The following SH3GL3 variants were observed in gnomAD, a reference collection of about 807,000 sequenced individuals.
SH3GL3 encodes the protein endophilin-A3.
SH3GL3 carries 33 observed loss-of-function variants against 47.7 expected under a neutral mutation model. That is an observed-to-expected ratio of 0.69 (90% CI 0.52 to 0.92). SH3GL3 has a LOEUF of 0.92. Among genes scored for constraint, SH3GL3 ranks in the 40% least tolerant of loss-of-function variants. The pLI is 0.00. For synonymous variants in SH3GL3, 155 were observed against 148.8 expected (o/e 1.04, Z -0.30); for missense variants, 363 against 417.8 (o/e 0.87, Z 1.14).
At chr15:83,481,046 C>A (rs896793961) in intron 1 of SH3GL3, among the ~76,000 whole-genome samples, 1 of 152,024 alleles carries the variant, frequency 6.6e-6, no homozygotes, top group Non-Finnish European at 1.5e-5. Flanking sequence ...GAGGCCGAGG[C>A]GGGCGGATCA....
intron 1 of SH3GL3, among the ~76,000 whole-genome samples, chr15:83,480,912 G>T (rs1164343220): frequency 6.6e-6 from 1 of 152,108 alleles, no homozygotes; most frequent in Non-Finnish European, 1.5e-5. Flanking sequence ...CATGGATACC[G>T]AGGGGTAGCT....
At chr15:83,517,916 A>C (rs896962768) in intron 1 of SH3GL3, among the ~76,000 whole-genome samples, 1 of 152,014 alleles carries the variant, frequency 6.6e-6, no homozygotes, top group Non-Finnish European at 1.5e-5. Context: ...TCCCCCTTCT[A>C]GTAGTCCCCA....
intron 1 of SH3GL3, among the ~76,000 whole-genome samples, chr15:83,511,450 G>A (rs529686378): frequency 3.3e-5 from 5 of 152,238 alleles, no homozygotes; most frequent in South Asian, 4.1e-4. Flanking sequence ...CTGAATTTAC[G>A]TGACGTCAGA....
At chr15:83,487,506 TC>T (rs1439322295) in intron 1 of SH3GL3, among the ~76,000 whole-genome samples, 1 of 152,206 alleles carries the variant, frequency 6.6e-6, no homozygotes, top group Non-Finnish European at 1.5e-5. Flanking sequence ...CAAAGAAGTT[TC>T]TATACTTTCC....
intron 1 of SH3GL3, among the ~76,000 whole-genome samples, chr15:83,501,073 T>C (rs907062588): frequency 1.3e-5 from 2 of 152,200 alleles, no homozygotes; most frequent in Non-Finnish European, 2.9e-5. Flanking sequence ...CCAGAAAATA[T>C]TATATTTTTA....
chr15:83,555,905 T>C (rs1023626768), intron 1 of SH3GL3, among the ~76,000 whole-genome samples: 10 of 152,242 alleles, frequency 6.6e-5, no homozygotes, highest in African/African-American at 2.2e-4. Flanking sequence ...ACAAAAATGT[T>C]TATTCTGTTT....
chr15:83,501,024 AC>A, intron 1 of SH3GL3, among the ~76,000 whole-genome samples: 1 of 152,298 alleles, frequency 6.6e-6, no homozygotes, highest in East Asian at 1.9e-4. Context: ...GAAACTTAGT[AC>A]TTTTTGGAAT....
intron 3 of SH3GL3, 159 bp downstream of exon 3, chr15:83,565,365 C>T (rs1043958241): frequency 3.2e-6 from 2 of 624,728 alleles, no homozygotes; most frequent in South Asian, 1.8e-5. Flanking sequence ...AAGGTAGTTG[C>T]ATTCGGTCCT....
At chr15:83,628,357 AC>A in the SH3GL3 span, among the ~76,000 whole-genome samples, 2 of 152,388 alleles carry the variant, frequency 1.3e-5, no homozygotes, top group African/African-American at 4.8e-5. Context: ...GGGAAAAAGG[AC>A]TATATATAAG....
intron 1 of SH3GL3, among the ~76,000 whole-genome samples, chr15:83,532,538 C>T (rs1175464021): frequency 1.3e-5 from 2 of 152,084 alleles, no homozygotes; most frequent in Non-Finnish European, 2.9e-5. Context: ...AGCTAGGAGC[C>T]TGAATTTATC....
At chr15:83,556,040 G>T (rs2044938134) in intron 1 of SH3GL3, among the ~76,000 whole-genome samples, 2 of 152,190 alleles carry the variant, frequency 1.3e-5, no homozygotes, top group African/African-American at 4.8e-5. Context: ...TCAGAGCATA[G>T]GGAGTGCATC....
chr15:83,612,620 T>G (rs975482469), intron 8 of SH3GL3, among the ~76,000 whole-genome samples: 1 of 152,252 alleles, frequency 6.6e-6, no homozygotes, highest in African/African-American at 2.4e-5. Flanking sequence ...TCCCGGGATT[T>G]CTGTGGAAAG....
intron 1 of SH3GL3, among the ~76,000 whole-genome samples, chr15:83,541,310 C>CAATTTTT (rs1567318555): frequency 8.4e-5 from 4 of 47,748 alleles, no homozygotes; most frequent in African/African-American, 2.0e-4. Flanking sequence ...TATGGTAATT[C>CAATTTTT]TATTTTTTTT....
At chr15:83,519,276 C>T (rs933338128) in intron 1 of SH3GL3, among the ~76,000 whole-genome samples, 2 of 152,106 alleles carry the variant, frequency 1.3e-5, no homozygotes, top group African/African-American at 4.8e-5. Flanking sequence ...GACATTTGAA[C>T]GATATTGATT....
chr15:83,475,330 T>A (rs1024625412), intron 1 of SH3GL3, among the ~76,000 whole-genome samples: 3 of 151,620 alleles, frequency 2.0e-5, no homozygotes, highest in Non-Finnish European at 4.4e-5. Context: ...ATATAAAAAA[T>A]TAACCGGGCG....
chr15:83,475,365 G>T (rs188440547), intron 1 of SH3GL3, among the ~76,000 whole-genome samples: 110 of 152,100 alleles, frequency 7.2e-4, no homozygotes, highest in Admixed American at 2.0e-3. Context: ...TGTAATCCCA[G>T]CTACTCGGGA....
At chr15:83,460,943 C>G (rs561383242) in intron 1 of SH3GL3, among the ~76,000 whole-genome samples, 1 of 151,964 alleles carries the variant, frequency 6.6e-6, no homozygotes, top group Non-Finnish European at 1.5e-5. Flanking sequence ...ATTAGCTGGG[C>G]GTGGTGGCGG....
In SH3GL3 at chr15:83,588,889, G is replaced by C; in HGVS notation, c.838+118G>C. ...CACAGACCCTGGATATCTTTCTTTGGTTGTTTGGTAAATTCCCTTTTCCCC... is the reference window on the plus strand; with the variant it reads ...CACAGACCCTGGATATCTTTCTTTGCTTGTTTGGTAAATTCCCTTTTCCCC... On this transcript the variant is annotated intron_variant, in intron 8 of 8. Transcript: ENST00000427482. 12 of 638,964 alleles carry C rather than the reference G, an allele frequency of 1.9e-5. No homozygotes were observed. In the South Asian group the frequency reaches 2.2e-4, roughly 12 times the overall value. The allele number at this position is 638,964 out of a possible 1,614,324, so 39.6% of individuals were successfully genotyped here.
chr15:83,465,176 GGT>G (rs1416481414), intron 1 of SH3GL3, among the ~76,000 whole-genome samples: 2 of 151,736 alleles, frequency 1.3e-5, no homozygotes, highest in East Asian at 3.9e-4. Flanking sequence ...TGGGCATGGT[GGT>G]GTGTGTCTGT....
Sources: allele counts gnomAD v4.1 joint callset (sites outside exome capture counted in the v4.1 genomes callset), GRCh38; gene constraint gnomAD v4.1.1; transcripts MANE v1.5; gene names NCBI Gene and HGNC (gene_info 2026-07-23, HGNC 2026-07-21).